Variants in KLF15 observed in about 807,000 individuals in gnomAD.
KLF15 encodes the protein KLF transcription factor 15.
In KLF15, 4 loss-of-function variants were observed where a neutral mutation model predicts 24.6. The observed-to-expected ratio is 0.16, with a 90% CI of 0.08 to 0.37. The LOEUF is 0.37. Among genes scored for constraint, KLF15 ranks in the 10% least tolerant of loss-of-function variants. The pLI is 1.00. For missense variants in KLF15, 496 were observed against 560.6 expected (o/e 0.88, Z 1.16); for synonymous variants, 246 against 236.3 (o/e 1.04, Z -0.37).
the KLF15 span, among the ~76,000 whole-genome samples, chr3:126,332,115 G>A: frequency 2.0e-5 from 3 of 152,232 alleles, no homozygotes; most frequent in Non-Finnish European, 4.4e-5. Context: ...ACCGCTGGGG[G>A]CAGGGCACAG....
chr3:126,294,186 C>G, the KLF15 span, among the ~76,000 whole-genome samples: 14 of 152,160 alleles, frequency 9.2e-5, no homozygotes, highest in African/African-American at 3.4e-4. Context: ...TGGGCCAGAT[C>G]AGTGGGTGTG....
At chr3:126,290,180 T>G in the KLF15 span, among the ~76,000 whole-genome samples, 1 of 152,098 alleles carries the variant, frequency 6.6e-6, no homozygotes, top group Non-Finnish European at 1.5e-5. Flanking sequence ...GGTCCCAAGT[T>G]TTTATTTTCC....
chr3:126,352,279 C>T lies in KLF15; in HGVS notation c.644G>A (p.Gly215Asp). The change falls in exon 2 of 3, where the codon GGC (glycine) becomes GAC (aspartate). Residue 215 changes from glycine to aspartate, a missense_variant. Transcript: ENST00000296233. ...GATCTGCAGCAACACTGGGATGGGG[C>T]CATCAGGCGTGGGGCCCCCACCTGG... ...QGPGGGPTPD[G>D]PIPVLLQIQP... is the part of the protein sequence containing the mutation. The T allele has an allele frequency of 1.9e-6, 3 of 1,541,212 alleles. No individual in the cohort carries two copies. Among genetic ancestry groups the T allele is most frequent in the Non-Finnish European group, 2.6e-6 (3 of 1,147,192 alleles).
At chr3:126,354,920 T>G (rs2082617785) in intron 1 of KLF15, among the ~76,000 whole-genome samples, 1 of 152,250 alleles carries the variant, frequency 6.6e-6, no homozygotes, top group Non-Finnish European at 1.5e-5. Flanking sequence ...CAGTGCCTGG[T>G]TCCTCAGGTG....
downstream of KLF15, among the ~76,000 whole-genome samples, chr3:126,337,685 A>T (rs1261478122): frequency 6.6e-6 from 1 of 152,202 alleles, no homozygotes; most frequent in African/African-American, 2.4e-5. Context: ...GTAACAATGG[A>T]TAATAATACA....
chr3:126,298,420 GATTATT>G, the KLF15 span, among the ~76,000 whole-genome samples: 2 of 146,288 alleles, frequency 1.4e-5, no homozygotes, highest in East Asian at 2.0e-4. Context: ...TTACTCTGCT[GATTATT>G]ATTATTATTA....
the KLF15 span, among the ~76,000 whole-genome samples, chr3:126,321,434 G>T: frequency 9.9e-5 from 15 of 152,238 alleles, no homozygotes; most frequent in African/African-American, 3.6e-4. Flanking sequence ...TCCTGCTCCA[G>T]GCAGAGCTCT....
chr3:126,288,745 C>T, the KLF15 span: 1 of 152,268 alleles, frequency 6.6e-6, no homozygotes, highest in Non-Finnish European at 1.5e-5. Context: ...CACGCTTCAC[C>T]CCAAGGTCCG....
chr3:126,291,986 C>T, the KLF15 span, among the ~76,000 whole-genome samples: 35 of 152,328 alleles, frequency 2.3e-4, no homozygotes, highest in Middle Eastern at 3.4e-3. Context: ...CATCACGGCT[C>T]GCCTAATTCA....
At chr3:126,331,811 G>A in the KLF15 span, among the ~76,000 whole-genome samples, 3,785 of 152,314 alleles carry the variant, frequency 0.025, 131 homozygotes, top group African/African-American at 0.073. Flanking sequence ...CTTGGGAAGC[G>A]CAAGGGGTCA....
Position 126,356,870 on chromosome 3 carries a change from A to C in KLF15, c.-26+367T>G. Among the ~76,000 whole-genome samples, 1 of 148,324 alleles carries C rather than the reference A, an allele frequency of 6.7e-6. No individual in the cohort carries two copies. The highest frequency in any genetic ancestry group is 2.5e-5 in the African/African-American group (1 of 40,064). ...CCGTCTCCAGCCCCTCCGCCCCCCA[A>C]CCCCGGGCTGGCCAGCGCGTCCGCT... On this transcript the variant is annotated intron_variant, in intron 1 of 2. Transcript: ENST00000296233. The surrounding 1 kb of genome is among the most constrained non-coding windows in gnomAD (Gnocchi z 4.4).
At chr3:126,304,497 G>A in the KLF15 span, among the ~76,000 whole-genome samples, 1 of 152,124 alleles carries the variant, frequency 6.6e-6, no homozygotes, top group South Asian at 2.1e-4. Flanking sequence ...GCACTGACAT[G>A]TTTACAGCTG....
chr3:126,342,449 G>T (rs750726035), downstream of KLF15, among the ~76,000 whole-genome samples: 1 of 152,146 alleles, frequency 6.6e-6, no homozygotes, highest in Non-Finnish European at 1.5e-5. Flanking sequence ...TCAGCAGCTG[G>T]CCTGGAGCTG....
chr3:126,313,301 C>G, the KLF15 span, among the ~76,000 whole-genome samples: 1 of 152,168 alleles, frequency 6.6e-6, no homozygotes, highest in Admixed American at 6.5e-5. Flanking sequence ...CAACTTCCAG[C>G]CTCTGGAACT....
chr3:126,333,315 CA>C, the KLF15 span, among the ~76,000 whole-genome samples: 1 of 132,626 alleles, frequency 7.5e-6, no homozygotes, highest in African/African-American at 2.9e-5. Flanking sequence ...CATATCCAGC[CA>C]AACTAAGCTT....
At chr3:126,311,763 C>A in the KLF15 span, among the ~76,000 whole-genome samples, 3 of 152,194 alleles carry the variant, frequency 2.0e-5, no homozygotes, top group Non-Finnish European at 2.9e-5. Flanking sequence ...CTCCCCTCAC[C>A]CCCTGAGCCG....
chr3:126,352,905 A>G lies in KLF15; in HGVS notation c.18T>C (p.Leu6=). MVDHL[L]PVDENFSSPK... ...GCGACGAGAAGTTCTCGTCCACTGG[A>G]AGTAAGTGGTCCACCATGCTGGCCT... The change falls in exon 2 of 3, where the codon CTT becomes CTC. Residue 6 remains leucine, a synonymous_variant. Coordinates refer to ENST00000296233, the MANE Select transcript of KLF15 (RefSeq NM_014079.4). The G allele has an allele frequency of 6.2e-7, 1 of 1,607,550 alleles. No individual in the cohort carries two copies. Among genetic ancestry groups the G allele is most frequent in the Admixed American group, 1.7e-5 (1 of 59,752 alleles).
chr3:126,337,454 A>T, the KLF15 span, among the ~76,000 whole-genome samples: 84,530 of 125,962 alleles, frequency 0.67, 28,798 homozygotes, highest in African/African-American at 0.78. Flanking sequence ...GAGGGATAGC[A>T]TTGGGAGATA....
the KLF15 span, among the ~76,000 whole-genome samples, chr3:126,333,136 G>T: frequency 1.6e-5 from 1 of 61,558 alleles, no homozygotes; most frequent in Non-Finnish European, 3.0e-5. Flanking sequence ...CACCAAAGTT[G>T]AAATGAAGGA....
Sources: allele counts gnomAD v4.1 joint callset (sites outside exome capture counted in the v4.1 genomes callset), GRCh38; gene constraint gnomAD v4.1.1; non-coding constraint Gnocchi (gnomAD v3.1); transcripts MANE v1.5; gene names NCBI Gene and HGNC (gene_info 2026-07-23, HGNC 2026-07-21).